The following SIPA1L1 variants were observed in gnomAD, a reference collection of about 807,000 sequenced individuals.
SIPA1L1 encodes the protein signal induced proliferation associated 1 like 1.
A neutral mutation model predicts 162.7 loss-of-function variants in SIPA1L1; 26 were observed. The observed-to-expected ratio is 0.16, with a 90% CI of 0.12 to 0.22. SIPA1L1 has a LOEUF of 0.22. SIPA1L1 is among the 10% of genes least tolerant of loss of function. The pLI is 1.00. For missense variants in SIPA1L1, 1,874 were observed against 2,241.0 expected, an observed-to-expected ratio of 0.84 and a Z score of 3.31; for synonymous variants, 829 against 837.4, an observed-to-expected ratio of 0.99 and a Z score of 0.17.
intron 2 of SIPA1L1, among the ~76,000 whole-genome samples, chr14:71,349,914 T>C (rs1333338769): frequency 6.6e-6 from 1 of 152,088 alleles, no homozygotes; most frequent in African/African-American, 2.4e-5. Context: ...TAAGGAGTGC[T>C]CTTGTGACAC....
chr14:71,574,086 C>A, intron 4 of SIPA1L1: 2 of 183,848 alleles, frequency 1.1e-5, no homozygotes, highest in Non-Finnish European at 2.3e-5. Context: ...TTGATTTCTA[C>A]AACAAAAATC....
At chr14:71,648,301 TATATA>T (rs890007246) in intron 7 of SIPA1L1, among the ~76,000 whole-genome samples, 4 of 151,760 alleles carry the variant, frequency 2.6e-5, no homozygotes, top group African/African-American at 9.7e-5. Flanking sequence ...ATCTCAAAAA[TATATA>T]TATATATCCA....
intron 4 of SIPA1L1, among the ~76,000 whole-genome samples, chr14:71,564,613 A>G (rs1335285675): frequency 6.7e-6 from 1 of 150,194 alleles, no homozygotes; most frequent in Non-Finnish European, 1.5e-5. Context: ...TCAGCCTCCC[A>G]AGTAGCTGGG....
intron 5 of SIPA1L1, among the ~76,000 whole-genome samples, chr14:71,607,123 A>G (rs931469526): frequency 5.3e-5 from 8 of 151,906 alleles, no homozygotes; most frequent in Admixed American, 2.0e-4. Context: ...GAATGAGCCC[A>G]AAGAATAGAT....
intron 2 of SIPA1L1, chr14:71,330,383 A>G: frequency 9.9e-7 from 1 of 1,009,024 alleles, no homozygotes; most frequent in Non-Finnish European, 1.6e-6. Context: ...TAGGGAAAGA[A>G]GCGGACATGC....
rs192234747 is a variant in SIPA1L1, at chr14:71,456,363, A to G, written c.-464-56380A>G. Among the ~76,000 whole-genome samples the G allele has an allele frequency of 9.2e-4, 140 of 152,380 alleles. 1 individual carries two copies. The Middle Eastern group carries it at 0.027, about 30-fold the overall frequency. ...AATGTAAGAAATTCTTATTGATACA[A>G]GTATTCAACATCTTATATTAAAAAT... On this transcript the variant is annotated intron_variant, in intron 2 of 23. Transcript: ENST00000381232.
intron 7 of SIPA1L1, among the ~76,000 whole-genome samples, chr14:71,643,018 C>T (rs935394996): frequency 6.6e-6 from 1 of 150,624 alleles, no homozygotes; most frequent in African/African-American, 2.4e-5. Context: ...GACAACTTCA[C>T]CTGACCTAAT....
intron 2 of SIPA1L1, among the ~76,000 whole-genome samples, chr14:71,484,734 A>G (rs1422619837): frequency 6.6e-6 from 1 of 152,234 alleles, no homozygotes; most frequent in Non-Finnish European, 1.5e-5. Flanking sequence ...TTATTGTCAG[A>G]TAGCAGAGAC....
chr14:71,638,549 C>T (rs1321345624), intron 7 of SIPA1L1, among the ~76,000 whole-genome samples: 1 of 152,142 alleles, frequency 6.6e-6, no homozygotes, highest in Non-Finnish European at 1.5e-5. Flanking sequence ...AGAACATCTA[C>T]AAAACTTCTA....
rs184361351 is a variant in SIPA1L1 at position 71,377,732 on chromosome 14, C to T, written c.-465+56551C>T. On this transcript the variant is annotated intron_variant, in intron 2 of 23. Coordinates refer to ENST00000381232, the MANE Select transcript of SIPA1L1 (RefSeq NM_001386936.1). This position sits in a 1 kb window ranked among gnomAD's most constrained non-coding sequence, Gnocchi z 4.8. ...GACTCCGTCTGCAATCCTGGCACCT[C>T]GGGAGGCCGAGGCGGGCAGATCACC... is the stretch of plus-strand genomic sequence containing the variant. Among the ~76,000 whole-genome samples the T allele has an allele frequency of 6.2e-3, 942 of 152,276 alleles. 5 individuals are homozygous for T. The highest frequency in any genetic ancestry group is 9.5e-3 in the Non-Finnish European group (644 of 68,022).
chr14:71,525,050 T>A lies in SIPA1L1; in HGVS notation c.-361-4262T>A, dbSNP rs564648596. Among the ~76,000 whole-genome samples, 5 of 152,320 alleles carry A rather than the reference T, an allele frequency of 3.3e-5. No individual in the cohort carries two copies. In the East Asian group the frequency reaches 9.6e-4, roughly 29 times the overall value. On this transcript the variant is annotated intron_variant, in intron 3 of 23. Coordinates refer to ENST00000381232, the MANE Select transcript of SIPA1L1 (RefSeq NM_001386936.1). ...GTGAAGTGGCATGATCATGGCTCAC[T>A]GCAGCCTCAACCTCCCGGGCTCAAG...
At chr14:71,513,370 T>C (rs1283113142) in intron 3 of SIPA1L1, among the ~76,000 whole-genome samples, 2 of 152,154 alleles carry the variant, frequency 1.3e-5, no homozygotes, top group Non-Finnish European at 2.9e-5. Context: ...AGTGTTTCTT[T>C]TTACCTAGTG....
intron 2 of SIPA1L1, among the ~76,000 whole-genome samples, chr14:71,444,992 G>C (rs1279790002): frequency 1.3e-5 from 2 of 152,150 alleles, no homozygotes; most frequent in Non-Finnish European, 2.9e-5. Flanking sequence ...GGTGGTTCTA[G>C]GCTGAGCAAA....
At chr14:71,713,384 G>C (rs1316263869) in intron 17 of SIPA1L1, among the ~76,000 whole-genome samples, 3 of 152,236 alleles carry the variant, frequency 2.0e-5, no homozygotes, top group African/African-American at 7.2e-5. Context: ...TAGAGTCTTT[G>C]TGTAGCATGA....
chr14:71,517,326 A>G (rs182614366), intron 3 of SIPA1L1, among the ~76,000 whole-genome samples: 1 of 152,106 alleles, frequency 6.6e-6, no homozygotes, highest in African/African-American at 2.4e-5. Context: ...TTTTTGGTTT[A>G]TTACAAATTT....
intron 4 of SIPA1L1, among the ~76,000 whole-genome samples, chr14:71,534,395 TC>T (rs1326767538): frequency 1.3e-5 from 2 of 152,196 alleles, no homozygotes; most frequent in Non-Finnish European, 2.9e-5. Context: ...GCAGCAAATA[TC>T]TTTTGTTTGT....
intron 15 of SIPA1L1, 114 bp from the exon 16 acceptor site, chr14:71,705,108 G>A (rs1398664934): frequency 2.0e-5 from 15 of 760,908 alleles, no homozygotes; most frequent in Middle Eastern, 2.4e-4. Context: ...CTGCTGAAAT[G>A]CAGAGTTTGC....
intron 5 of SIPA1L1, among the ~76,000 whole-genome samples, chr14:71,592,708 C>T (rs1363420621): frequency 6.6e-6 from 1 of 152,090 alleles, no homozygotes; most frequent in African/African-American, 2.4e-5. Flanking sequence ...TCATATTTGG[C>T]TGATGAAGCT....
rs764964721 is a variant in SIPA1L1, at chr14:71,650,315, C to G, written c.1819-20C>G. On this transcript the variant is annotated intron_variant, in intron 7 of 23. Transcript: ENST00000381232. ...TGGATCTGCCTATATTTATATGCAT[C>G]GTATTACCTGCCTTCACAGCTGAAC... 2 of 1,613,350 alleles carry G rather than the reference C, an allele frequency of 1.2e-6. No homozygotes were observed.
Sources: allele counts gnomAD v4.1 joint callset (sites outside exome capture counted in the v4.1 genomes callset), GRCh38; gene constraint gnomAD v4.1.1; non-coding constraint Gnocchi (gnomAD v3.1); transcripts MANE v1.5; gene names NCBI Gene and HGNC (gene_info 2026-07-23, HGNC 2026-07-21).